FAM76A: variants seen among roughly 807,000 people sequenced by gnomAD.
The protein encoded by FAM76A is protein FAM76A.
A neutral mutation model predicts 46.2 loss-of-function variants in FAM76A; 32 were observed. The observed-to-expected ratio is 0.69, with a 90% CI of 0.52 to 0.93. FAM76A has a LOEUF of 0.93. FAM76A is among the 40% of genes least tolerant of loss of function. FAM76A has a pLI of 0.00. For synonymous variants in FAM76A, 137 were observed against 127.0 expected (o/e 1.08, Z -0.53); for missense variants, 274 against 361.5 (o/e 0.76, Z 1.96).
intron 5 of FAM76A, among the ~76,000 whole-genome samples, chr1:27,747,797 G>A (rs1299001633): frequency 6.6e-6 from 1 of 152,126 alleles, no homozygotes; most frequent in East Asian, 1.9e-4. Context: ...GCGCGCACCT[G>A]TAGTCCCAGC....
In FAM76A at chr1:27,762,493, A is replaced by G. The variant is rs2088524569; in HGVS notation, c.*1912A>G. 1 of 152,200 alleles carries G rather than the reference A, an allele frequency of 6.6e-6. No homozygotes were observed. The highest frequency in any genetic ancestry group is 6.5e-5 in the Admixed American group (1 of 15,274). 9.4% of individuals were successfully genotyped at this position (152,200 alleles called of 1,614,324 possible). On this transcript the variant is annotated 3_prime_UTR_variant, in exon 9 of 9. Transcript: ENST00000373954. ...CAGATGCTCTATAATTTGTGATAGC[A>G]TTCTCATAAATGGAGTCCTACACAT...
In FAM76A at chr1:27,740,658, G is replaced by A. The variant is rs938252806; in HGVS notation, c.355-3996G>A. 5.2e-5 allele frequency: 28 copies of A among 538,512 alleles called. No individual in the cohort carries two copies. The South Asian group carries it at 5.4e-4, about 10-fold the overall frequency. 33.4% of individuals were successfully genotyped at this position (538,512 alleles called of 1,614,324 possible). On this transcript the variant is annotated intron_variant, in intron 4 of 8. Coordinates refer to ENST00000373954, the MANE Select transcript of FAM76A (RefSeq NM_152660.3). ...CACAAGGAGCCCAATGTTGCTGCTC[G>A]TGAGATCTCCTTTTTACCAGAAAAC...
At chr1:27,730,211 A>G in intron 2 of FAM76A, 1 of 216,522 alleles carries the variant, frequency 4.6e-6, no homozygotes, top group Non-Finnish European at 9.4e-6. Flanking sequence ...GTTGAGACAG[A>G]GTTTCGCTCT....
chr1:27,753,922 C>G (rs965808187), intron 6 of FAM76A, among the ~76,000 whole-genome samples: 11 of 152,106 alleles, frequency 7.2e-5, no homozygotes, highest in Non-Finnish European at 1.5e-5. Context: ...TGAGAACTCT[C>G]TAGAGAACAG....
intron 4 of FAM76A, chr1:27,740,309 A>AACT: frequency 1.2e-6 from 1 of 857,260 alleles, no homozygotes; most frequent in South Asian, 1.3e-5. Flanking sequence ...TCAAACCAGG[A>AACT]ACTACAGTTG....
chr1:27,732,690 T>C, intron 3 of FAM76A, 33 bp downstream of exon 3: 1 of 1,550,506 alleles, frequency 6.4e-7, no homozygotes, highest in Non-Finnish European at 8.8e-7. Context: ...TAACAGTGAG[T>C]ACTAGGGTCT....
At chr1:27,737,032 C>T (rs963548988) in intron 4 of FAM76A, among the ~76,000 whole-genome samples, 1 of 152,148 alleles carries the variant, frequency 6.6e-6, no homozygotes, top group African/African-American at 2.4e-5. Flanking sequence ...TCACCACAAC[C>T]TCCACCTCCT....
chr1:27,760,872 TTTTTC>T lies in FAM76A; in HGVS notation c.*296_*300del, dbSNP rs2088493650. 1 of 149,016 alleles carries T rather than the reference TTTTTC, an allele frequency of 6.7e-6. No individual in the cohort carries two copies. Among genetic ancestry groups the T allele is most frequent in the Non-Finnish European group, 1.4e-5 (1 of 70,346 alleles). The allele number at this position is 149,016 out of a possible 1,614,324, so 9.2% of individuals were successfully genotyped here. A position where few individuals can be genotyped will look rare whatever the true frequency, so the allele number is the denominator to read the frequency against. On this transcript the variant is annotated 3_prime_UTR_variant, in exon 9 of 9. Coordinates refer to ENST00000373954, the MANE Select transcript of FAM76A (RefSeq NM_152660.3). Reference sequence around the variant, plus strand: ...TTTTGGTTCTATTCTTTTTTTTTCTTTTTTCTTTTTTTTTTTTTTTTTTTTTTTGT... The same window carrying T: ...TTTTGGTTCTATTCTTTTTTTTTCTTTTTTTTTTTTTTTTTTTTTTTTTGT...
At chr1:27,737,469 C>A (rs1003771277) in intron 4 of FAM76A, among the ~76,000 whole-genome samples, 3 of 152,104 alleles carry the variant, frequency 2.0e-5, no homozygotes, top group Admixed American at 6.6e-5. Context: ...ATTCCCAGCA[C>A]TTTGGGAGGC....
In FAM76A at chr1:27,755,070, ATGTGCTTG is replaced by A. The variant is rs2148586081; in HGVS notation, c.600-124_600-117del. On this transcript the variant is annotated intron_variant, in intron 6 of 8. Coordinates refer to ENST00000373954, the MANE Select transcript of FAM76A (RefSeq NM_152660.3). ...CGTTGAGCCCAGCATGTGTGGTGCA[ATGTGCTTG>A]ATGCTAGGATTCCTGCCCTTTAGGA... 12 of 1,021,532 alleles carry A rather than the reference ATGTGCTTG, an allele frequency of 1.2e-5. No individual in the cohort carries two copies. In the South Asian group the frequency reaches 1.5e-4, roughly 13 times the overall value. The allele number at this position is 1,021,532 out of a possible 1,614,324, so 63.3% of individuals were successfully genotyped here.
At chr1:27,756,485 T>C (rs2088411272) in intron 7 of FAM76A, among the ~76,000 whole-genome samples, 1 of 151,950 alleles carries the variant, frequency 6.6e-6, no homozygotes, top group Non-Finnish European at 1.5e-5. Flanking sequence ...GAGATGGGGT[T>C]TCGCCATGTT....
chr1:27,752,911 G>A (rs1005033099), intron 6 of FAM76A, among the ~76,000 whole-genome samples: 1 of 152,200 alleles, frequency 6.6e-6, no homozygotes, highest in Admixed American at 6.5e-5. Context: ...TGTAATCCCA[G>A]CACTTTGGGA....
intron 4 of FAM76A, among the ~76,000 whole-genome samples, chr1:27,737,202 GCCT>G (rs1373962861): frequency 1.3e-5 from 2 of 152,134 alleles, no homozygotes; most frequent in Non-Finnish European, 1.5e-5. Context: ...ACCCGCCTCA[GCCT>G]CCCAAAGTGC....
intron 4 of FAM76A, among the ~76,000 whole-genome samples, chr1:27,741,558 A>AT (rs1054781852): frequency 1.3e-5 from 2 of 151,564 alleles, no homozygotes; most frequent in African/African-American, 2.4e-5. Context: ...TATAAAAAAA[A>AT]TTTTTTTTCC....
intron 6 of FAM76A, among the ~76,000 whole-genome samples, chr1:27,750,190 A>G (rs2088309503): frequency 6.6e-6 from 1 of 152,222 alleles, no homozygotes; most frequent in Non-Finnish European, 1.5e-5. Flanking sequence ...AGACCAGCAT[A>G]TAGGCTTACC....
intron 4 of FAM76A, among the ~76,000 whole-genome samples, chr1:27,734,542 A>G (rs775479972): frequency 2.6e-5 from 4 of 152,172 alleles, no homozygotes; most frequent in Non-Finnish European, 4.4e-5. Flanking sequence ...GCAAGACTCT[A>G]TCTCAAAACA....
At chr1:27,735,121 A>C (rs1447285915) in intron 4 of FAM76A, among the ~76,000 whole-genome samples, 1 of 152,208 alleles carries the variant, frequency 6.6e-6, no homozygotes, top group Non-Finnish European at 1.5e-5. Flanking sequence ...TCTGTCTGAC[A>C]TGCGGATCTC....
At position 27,755,221 on chromosome 1, in the gene FAM76A, C is replaced by T. The variant is rs1413934795; in HGVS notation, c.626C>T (p.Ser209Leu). 2 of 1,614,050 alleles carry T rather than the reference C, an allele frequency of 1.2e-6. No homozygotes were observed. The highest frequency in any genetic ancestry group is 1.7e-6 in the Non-Finnish European group (2 of 1,180,042). The change falls in exon 7 of 9, where the codon TCA becomes TTA. Residue 209 changes from serine to leucine, a missense_variant. Transcript: ENST00000373954. ...TTCTCCCCAGACCTGGCTCTGGACTCACCAGGCACTGACCACTTTGTCATC... is the reference window on the plus strand; with the variant it reads ...TTCTCCCCAGACCTGGCTCTGGACTTACCAGGCACTGACCACTTTGTCATC... ...DSFSPDLALD[S>L]PGTDHFVIIA...
In FAM76A at chr1:27,755,318, G is replaced by C. The variant is rs1381948005; in HGVS notation, c.723G>C (p.Glu241Asp). ...ATCAAAAGGATCAAATGATTTTAGA[G>C]AAAGAGAAGAAGGTATGGTTTAGTT... Reference protein sequence around the residue: ...MLHQKDQMILEKEKKITELKA... With the variant: ...MLHQKDQMILDKEKKITELKA... The change falls in exon 7 of 9, where the codon GAG becomes GAC. Residue 241 changes from glutamate to aspartate, a missense_variant. Coordinates refer to ENST00000373954, the MANE Select transcript of FAM76A (RefSeq NM_152660.3). 6.2e-7 allele frequency: 1 copy of C among 1,614,164 alleles called. No individual in the cohort carries two copies. Among genetic ancestry groups the C allele is most frequent in the Non-Finnish European group, 8.5e-7 (1 of 1,180,020 alleles).
Sources: gnomAD v4.1 joint callset for allele counts (sites outside exome capture counted in the v4.1 genomes callset) on GRCh38, gnomAD v4.1.1 for gene constraint, MANE v1.5 for transcripts, NCBI Gene and HGNC (gene_info 2026-07-23, HGNC 2026-07-21) for gene names.